Variants in GHR observed in about 807,000 individuals in gnomAD.
GHR encodes growth hormone receptor.
A neutral mutation model predicts 67.1 loss-of-function variants in GHR; 35 were observed. The ratio of observed to expected loss-of-function variants is 0.52; its 90% CI spans 0.40 to 0.69. The LOEUF (loss-of-function observed/expected upper bound fraction) is 0.69, where lower values mean the gene tolerates loss of function less well. GHR is among the 30% of genes least tolerant of loss of function. The probability of loss-of-function intolerance (pLI) is 0.00; values close to 1 mark genes in which losing one functional copy is unlikely to be tolerated. For missense variants in GHR, 792 were observed against 764.6 expected (o/e 1.04, Z -0.42); for synonymous variants, 272 against 269.1 (o/e 1.01, Z -0.10).
intron 1 of GHR, among the ~76,000 whole-genome samples, chr5:42,522,205 C>T (rs761618328): frequency 5.9e-5 from 9 of 151,930 alleles, no homozygotes; most frequent in African/African-American, 9.7e-5. Flanking sequence ...AGCCACTTTG[C>T]GTATAAAGGG....
chr5:42,462,889 A>T (rs2112053380), intron 1 of GHR, among the ~76,000 whole-genome samples: 1 of 152,314 alleles, frequency 6.6e-6, no homozygotes, highest in East Asian at 1.9e-4. Context: ...AATTATATTA[A>T]GATCTGAATG....
intron 3 of GHR, among the ~76,000 whole-genome samples, chr5:42,662,667 T>G (rs544407165): frequency 2.2e-4 from 33 of 152,060 alleles, no homozygotes; most frequent in African/African-American, 8.0e-4. Flanking sequence ...AGATCCAAAA[T>G]TGACACCCTA....
At chr5:42,677,642 A>G (rs1274538592) in intron 3 of GHR, among the ~76,000 whole-genome samples, 1 of 152,182 alleles carries the variant, frequency 6.6e-6, no homozygotes, top group East Asian at 1.9e-4. Flanking sequence ...CAACCAACAG[A>G]CTGCAAGTAG....
intron 2 of GHR, among the ~76,000 whole-genome samples, chr5:42,575,228 C>T (rs1750587972): frequency 6.6e-6 from 1 of 152,178 alleles, no homozygotes; most frequent in African/African-American, 2.4e-5. Flanking sequence ...ACATCTGATT[C>T]TTGTCTCCTT....
intron 1 of GHR, chr5:42,467,247 G>T (rs141697102): frequency 0.015 from 20,276 of 1,367,584 alleles, 228 homozygotes; most frequent in Non-Finnish European, 0.018. Context: ...GAATTATCTG[G>T]TACATAATAA....
intron 1 of GHR, among the ~76,000 whole-genome samples, chr5:42,524,791 C>G (rs6897318): frequency 0.49 from 74,996 of 152,030 alleles, 19,343 homozygotes; most frequent in African/African-American, 0.61. Flanking sequence ...CTATGTCCCA[C>G]CTGCTCCAGC....
At chr5:42,524,581 C>G (rs1747622134) in intron 1 of GHR, among the ~76,000 whole-genome samples, 1 of 152,164 alleles carries the variant, frequency 6.6e-6, no homozygotes, top group African/African-American at 2.4e-5. Context: ...AGGAGAAATT[C>G]AAGCCGGCTG....
rs1472338418 is a variant in GHR at position 42,721,278 on chromosome 5, G to C, written c.*1854G>C. ...ATCTCCTGAAAAGGTTTATGAAAAA[G>C]AAGAATCTCATCTCAGTGAAGAATA... On this transcript the variant is annotated 3_prime_UTR_variant, in exon 10 of 10. Coordinates refer to ENST00000230882, the MANE Select transcript of GHR (RefSeq NM_000163.5). 1 of 152,124 alleles carries C rather than the reference G, an allele frequency of 6.6e-6. No individual in the cohort carries two copies. The allele number at this position is 152,124 out of a possible 1,614,324, so 9.4% of individuals were successfully genotyped here.
At chr5:42,546,720 T>C (rs189740419) in intron 1 of GHR, among the ~76,000 whole-genome samples, 5 of 152,268 alleles carry the variant, frequency 3.3e-5, no homozygotes, top group Admixed American at 2.0e-4. Flanking sequence ...AAAGCATATT[T>C]GTGTGTGAGA....
intron 3 of GHR, among the ~76,000 whole-genome samples, chr5:42,679,030 T>C (rs1296751217): frequency 2.7e-5 from 4 of 146,222 alleles, no homozygotes; most frequent in Admixed American, 1.4e-4. Context: ...TATTAACTTA[T>C]ATTAATTTAT....
intron 1 of GHR, among the ~76,000 whole-genome samples, chr5:42,539,221 A>G (rs1748393554): frequency 6.6e-6 from 1 of 152,018 alleles, no homozygotes; most frequent in Non-Finnish European, 1.5e-5. Context: ...ATCCATTGCT[A>G]GTGGACTAGT....
At chr5:42,608,135 AG>A (rs1418897975) in intron 2 of GHR, among the ~76,000 whole-genome samples, 1 of 152,212 alleles carries the variant, frequency 6.6e-6, no homozygotes, top group Middle Eastern at 3.2e-3. Context: ...AGGAATGAAA[AG>A]TAGAGCCTTA....
chr5:42,508,458 T>A (rs987726430), intron 1 of GHR, among the ~76,000 whole-genome samples: 4 of 152,212 alleles, frequency 2.6e-5, no homozygotes, highest in Non-Finnish European at 5.9e-5. Context: ...TCTGGAGGCT[T>A]CATATGAAAG....
chr5:42,640,444 A>AT (rs1754409288), intron 3 of GHR, among the ~76,000 whole-genome samples: 1 of 152,112 alleles, frequency 6.6e-6, no homozygotes, highest in South Asian at 2.1e-4. Context: ...GTATTTTATT[A>AT]TTTTTACTGC....
chr5:42,548,935 GAT>G (rs1343727342), intron 1 of GHR, among the ~76,000 whole-genome samples: 1 of 152,208 alleles, frequency 6.6e-6, no homozygotes, highest in Non-Finnish European at 1.5e-5. Flanking sequence ...AGTCAACAGA[GAT>G]AGTAATTTGC....
chr5:42,556,623 A>G (rs1024365187), intron 1 of GHR, among the ~76,000 whole-genome samples: 1 of 152,214 alleles, frequency 6.6e-6, no homozygotes, highest in Non-Finnish European at 1.5e-5. Context: ...GTAAGATATA[A>G]GAAGGAATAT....
intron 2 of GHR, among the ~76,000 whole-genome samples, chr5:42,595,888 A>G (rs890898058): frequency 6.6e-6 from 1 of 152,198 alleles, no homozygotes; most frequent in Non-Finnish European, 1.5e-5. Flanking sequence ...ACTGCACCTC[A>G]TTGCCTTAAT....
intron 1 of GHR, among the ~76,000 whole-genome samples, chr5:42,543,313 A>AT (rs1419910776): frequency 2.0e-5 from 3 of 151,836 alleles, no homozygotes; most frequent in Non-Finnish European, 2.9e-5. Context: ...TGTTTTTGGG[A>AT]TTTTTTTGTT....
intron 1 of GHR, among the ~76,000 whole-genome samples, chr5:42,427,507 TG>T (rs1179250619): frequency 6.6e-6 from 1 of 152,222 alleles, no homozygotes; most frequent in Non-Finnish European, 1.5e-5. Context: ...GTGGGAATTA[TG>T]GGAACTACAA....
Sources: gnomAD v4.1 joint callset for allele counts (sites outside exome capture counted in the v4.1 genomes callset) on GRCh38, gnomAD v4.1.1 for gene constraint, MANE v1.5 for transcripts, NCBI Gene and HGNC (gene_info 2026-07-23, HGNC 2026-07-21) for gene names.